PLPPR1: variants seen among roughly 807,000 people sequenced by gnomAD.
The protein encoded by PLPPR1 is phospholipid phosphatase-related protein type 1.
Under a neutral mutation model 33.1 loss-of-function variants are expected in PLPPR1, and 10 were observed. The observed-to-expected ratio is 0.30, with a 90% CI of 0.19 to 0.51. PLPPR1 has a LOEUF of 0.51. PLPPR1 is among the 20% of genes least tolerant of loss of function. PLPPR1 has a pLI of 0.97. For synonymous variants in PLPPR1, 151 were observed against 151.0 expected (o/e 1.00, Z 0.00); for missense variants, 304 against 408.1 (o/e 0.74, Z 2.20).
chr9:101,313,183 G>C (rs1415718118), intron 6 of PLPPR1, among the ~76,000 whole-genome samples: 1 of 152,056 alleles, frequency 6.6e-6, no homozygotes, highest in East Asian at 1.9e-4. Flanking sequence ...ATTCCTTCTG[G>C]GTGGCAGGGA....
intron 4 of PLPPR1, among the ~76,000 whole-genome samples, chr9:101,299,764 G>A (rs1206687631): frequency 6.6e-6 from 1 of 152,142 alleles, no homozygotes; most frequent in Middle Eastern, 3.2e-3. Flanking sequence ...CTGTAAAACA[G>A]TGTTTCTTAC....
chr9:101,216,098 T>A (rs914896119), intron 2 of PLPPR1, among the ~76,000 whole-genome samples: 1 of 152,206 alleles, frequency 6.6e-6, no homozygotes, highest in Non-Finnish European at 1.5e-5. Context: ...CTAATTTACA[T>A]TCCCACCAAC....
chr9:101,269,797 G>T lies in PLPPR1; in HGVS notation c.64-83G>T, dbSNP rs1454786961. On this transcript the variant is annotated intron_variant, in intron 2 of 7. Coordinates refer to ENST00000374874, the MANE Select transcript of PLPPR1 (RefSeq NM_207299.2). ...CAATATCAGGAGAGCCGCTGCTGGG[G>T]TGATGGAGGGAGTGTGCTCTGAGGG... is the stretch of plus-strand genomic sequence containing the variant. The T allele has an allele frequency of 5.3e-6, 7 of 1,314,038 alleles. No individual in the cohort carries two copies. In the Admixed American group the frequency reaches 1.0e-4, roughly 19 times the overall value. The allele number at this position is 1,314,038 out of a possible 1,614,324, so 81.4% of individuals were successfully genotyped here. A position where few individuals can be genotyped will look rare whatever the true frequency, so the allele number is the denominator to read the frequency against.
At chr9:101,262,279 G>A (rs1827913859) in intron 2 of PLPPR1, among the ~76,000 whole-genome samples, 1 of 152,172 alleles carries the variant, frequency 6.6e-6, no homozygotes, top group Non-Finnish European at 1.5e-5. Context: ...CGAAAATTTA[G>A]ACCACACACC....
At position 101,294,715 on chromosome 9, in the gene PLPPR1, C is replaced by G. The variant is rs544130581; in HGVS notation, c.385+8479C>G. 6.5e-3 allele frequency among the ~76,000 whole-genome samples: 986 copies of G among 152,160 alleles called. 7 individuals carry two copies. Among genetic ancestry groups the G allele is most frequent in the African/African-American group, 0.023 (955 of 41,480 alleles). ...AAAGACAAAAACCACATGATTATCT[C>G]AATAGATGCAGAAAAGGCCTTTGAC... On this transcript the variant is annotated intron_variant, in intron 4 of 7. Transcript: ENST00000374874.
intron 4 of PLPPR1, among the ~76,000 whole-genome samples, chr9:101,291,183 T>A (rs2118923432): frequency 6.6e-6 from 1 of 152,342 alleles, no homozygotes; most frequent in East Asian, 1.9e-4. Flanking sequence ...GTCTCCCTGA[T>A]TGCTAGCACA....
intron 1 of PLPPR1, among the ~76,000 whole-genome samples, chr9:101,031,915 G>A (rs1225238974): frequency 6.6e-6 from 1 of 152,190 alleles, no homozygotes; most frequent in East Asian, 1.9e-4. Context: ...ATGCTATAGA[G>A]TGAGTTTTTT....
At position 101,034,790 on chromosome 9, in the gene PLPPR1, T is replaced by A. The variant is rs140083968; in HGVS notation, c.-46+5688T>A. Among the ~76,000 whole-genome samples, 378 of 151,868 alleles carry A rather than the reference T, an allele frequency of 2.5e-3. 1 individual carries two copies. The highest frequency in any genetic ancestry group is 8.5e-3 in the African/African-American group (353 of 41,462). The stretch of plus-strand genomic sequence containing the variant: ...TATGCTCAGGACTCAAGAGATGGTG[T>A]GCTTTTGCATTCATTAAAAAATTTG... On this transcript the variant is annotated intron_variant, in intron 1 of 7. Coordinates refer to ENST00000374874, the MANE Select transcript of PLPPR1 (RefSeq NM_207299.2).
At chr9:101,063,469 C>A (rs944157172) in intron 1 of PLPPR1, among the ~76,000 whole-genome samples, 2 of 152,062 alleles carry the variant, frequency 1.3e-5, no homozygotes, top group Middle Eastern at 3.2e-3. Context: ...CATAACTATG[C>A]TTACATGCAA....
At chr9:101,294,233 C>A (rs1252770615) in intron 4 of PLPPR1, among the ~76,000 whole-genome samples, 4 of 151,634 alleles carry the variant, frequency 2.6e-5, no homozygotes, top group African/African-American at 7.3e-5. Flanking sequence ...ACACATACAC[C>A]CTCCCAAGAC....
chr9:101,046,525 T>C (rs951792459), intron 1 of PLPPR1, among the ~76,000 whole-genome samples: 4 of 148,708 alleles, frequency 2.7e-5, no homozygotes, highest in Non-Finnish European at 4.4e-5. Context: ...CTGCAAGCTC[T>C]GCCTCCCGGG....
intron 1 of PLPPR1, among the ~76,000 whole-genome samples, chr9:101,087,030 T>A (rs1479992021): frequency 1.3e-5 from 2 of 151,894 alleles, no homozygotes; most frequent in Admixed American, 6.6e-5. Context: ...AATACAAGAT[T>A]TAGCTAGGCA....
At chr9:101,229,646 T>C (rs1030682091) in intron 2 of PLPPR1, among the ~76,000 whole-genome samples, 1 of 152,156 alleles carries the variant, frequency 6.6e-6, no homozygotes, top group African/African-American at 2.4e-5. Context: ...GGTGTCCAAT[T>C]CTAAAATGCT....
At chr9:101,139,111 A>G (rs1051635741) in intron 1 of PLPPR1, among the ~76,000 whole-genome samples, 11 of 152,178 alleles carry the variant, frequency 7.2e-5, no homozygotes, top group Non-Finnish European at 1.0e-4. Flanking sequence ...GTGAAGAAAT[A>G]TAGATTATTT....
chr9:101,137,413 A>T (rs1463475469), intron 1 of PLPPR1, among the ~76,000 whole-genome samples: 2 of 152,232 alleles, frequency 1.3e-5, no homozygotes, highest in Non-Finnish European at 2.9e-5. Flanking sequence ...ATAGGAATCG[A>T]TGGAAGAAGG....
At chr9:101,289,319 C>T (rs1193649876) in intron 4 of PLPPR1, among the ~76,000 whole-genome samples, 1 of 152,218 alleles carries the variant, frequency 6.6e-6, no homozygotes, top group East Asian at 1.9e-4. Context: ...GTTATAGGCA[C>T]TTCTCATATT....
At chr9:101,244,218 C>A (rs887596601) in intron 2 of PLPPR1, among the ~76,000 whole-genome samples, 32 of 151,664 alleles carry the variant, frequency 2.1e-4, no homozygotes, top group Non-Finnish European at 4.0e-4. Context: ...TGAAGTTAAC[C>A]CCCATGTAGC....
At chr9:101,234,447 A>G (rs535124760) in intron 2 of PLPPR1, among the ~76,000 whole-genome samples, 2 of 152,004 alleles carry the variant, frequency 1.3e-5, no homozygotes, top group African/African-American at 4.8e-5. Flanking sequence ...ACAAATTTAT[A>G]ATTTATTAAA....
In PLPPR1 at chr9:101,153,234, C is replaced by T. The variant is rs557661182; in HGVS notation, c.-45-32216C>T. Reference sequence around the variant, plus strand: ...TGTGTAAGAATGCTTGTGATTTTTGCACATTGATTTTGTATCCTGAGACTG... The same window carrying T: ...TGTGTAAGAATGCTTGTGATTTTTGTACATTGATTTTGTATCCTGAGACTG... On this transcript the variant is annotated intron_variant, in intron 1 of 7. Coordinates refer to ENST00000374874, the MANE Select transcript of PLPPR1 (RefSeq NM_207299.2). Among the ~76,000 whole-genome samples the T allele has an allele frequency of 1.6e-3, 251 of 152,234 alleles. 11 individuals carry two copies. The highest frequency in any genetic ancestry group is 0.014 in the Admixed American group (212 of 15,292).
Sources: allele counts gnomAD v4.1 joint callset (sites outside exome capture counted in the v4.1 genomes callset), GRCh38; gene constraint gnomAD v4.1.1; transcripts MANE v1.5; gene names NCBI Gene and HGNC (gene_info 2026-07-23, HGNC 2026-07-21).